LSAMP: variants seen among roughly 807,000 people sequenced by gnomAD.
LSAMP encodes limbic system-associated membrane protein.
LSAMP carries 7 observed loss-of-function variants against 38.6 expected under a neutral mutation model. The ratio of observed to expected loss-of-function variants is 0.18; its 90% CI spans 0.10 to 0.34. The LOEUF (loss-of-function observed/expected upper bound fraction) is 0.34. LSAMP is among the 10% of genes least tolerant of loss of function. LSAMP has a pLI of 1.00. For missense variants in LSAMP, 313 were observed against 420.0 expected (o/e 0.75, Z 2.23); for synonymous variants, 154 against 166.8 (o/e 0.92, Z 0.59).
chr3:116,153,986 A>T (rs1046313349), intron 1 of LSAMP, among the ~76,000 whole-genome samples: 1 of 152,102 alleles, frequency 6.6e-6, no homozygotes, highest in African/African-American at 2.4e-5. Flanking sequence ...AAAATTGACA[A>T]TCTCCCAAAA....
At chr3:116,039,656 G>T (rs183241559) in intron 2 of LSAMP, among the ~76,000 whole-genome samples, 5 of 152,294 alleles carry the variant, frequency 3.3e-5, no homozygotes, top group Admixed American at 2.6e-4. Flanking sequence ...ATGAGTGGGA[G>T]AGAAGGTGGG....
At chr3:116,426,152 C>T (rs554928087) in intron 1 of LSAMP, among the ~76,000 whole-genome samples, 13 of 152,272 alleles carry the variant, frequency 8.5e-5, no homozygotes, top group African/African-American at 2.9e-4. Flanking sequence ...ATTCACTGCT[C>T]ATCACCAGTA....
intron 2 of LSAMP, among the ~76,000 whole-genome samples, chr3:116,069,952 A>C (rs945196986): frequency 3.9e-5 from 6 of 152,156 alleles, no homozygotes; most frequent in Non-Finnish European, 8.8e-5. Context: ...AAAGGGAAGG[A>C]GAAGCAAGGA....
At chr3:116,099,922 C>A (rs1236050086) in intron 1 of LSAMP, among the ~76,000 whole-genome samples, 1 of 151,968 alleles carries the variant, frequency 6.6e-6, no homozygotes, top group Non-Finnish European at 1.5e-5. Context: ...CTCAGCTGCT[C>A]CATGTAGATA....
chr3:115,998,559 A>G (rs1177978672), intron 3 of LSAMP, among the ~76,000 whole-genome samples: 2 of 152,120 alleles, frequency 1.3e-5, no homozygotes, highest in Non-Finnish European at 2.9e-5. Context: ...TCCTTGACCC[A>G]GAAGTGCTGT....
chr3:116,368,856 A>T (rs2048392884), intron 1 of LSAMP, among the ~76,000 whole-genome samples: 1 of 152,198 alleles, frequency 6.6e-6, no homozygotes, highest in Non-Finnish European at 1.5e-5. Flanking sequence ...CTTTTAGAAA[A>T]CAAGCAGCAT....
At chr3:116,421,174 A>G (rs546245271) in intron 1 of LSAMP, among the ~76,000 whole-genome samples, 2 of 152,342 alleles carry the variant, frequency 1.3e-5, no homozygotes, top group East Asian at 1.9e-4. Flanking sequence ...AGAAACCTTG[A>G]TAAATTGAAC....
chr3:116,063,428 T>G (rs569509514), intron 2 of LSAMP, among the ~76,000 whole-genome samples: 1 of 152,202 alleles, frequency 6.6e-6, no homozygotes, highest in Non-Finnish European at 1.5e-5. Flanking sequence ...ATTTATATTA[T>G]GATTCCAAGA....
intron 1 of LSAMP, among the ~76,000 whole-genome samples, chr3:116,298,975 G>A (rs757845063): frequency 6.6e-6 from 1 of 152,172 alleles, no homozygotes. Context: ...TGTGGGGAGT[G>A]GGAAAGAGAA....
intron 1 of LSAMP, among the ~76,000 whole-genome samples, chr3:116,366,013 T>TAATA (rs1553727853): frequency 1.4e-3 from 41 of 28,690 alleles, no homozygotes; most frequent in African/African-American, 5.0e-3. Flanking sequence ...TAGAGTATAA[T>TAATA]AAAAAAAAAA....
intron 4 of LSAMP, among the ~76,000 whole-genome samples, chr3:115,850,086 T>C (rs917134678): frequency 7.9e-5 from 12 of 152,220 alleles, no homozygotes; most frequent in African/African-American, 2.9e-4. Context: ...TTTTAGAATC[T>C]CAAATTTCTG....
intron 3 of LSAMP, among the ~76,000 whole-genome samples, chr3:115,973,471 G>A (rs937514755): frequency 2.6e-5 from 4 of 152,104 alleles, no homozygotes; most frequent in African/African-American, 4.8e-5. Context: ...GGTGGCTCAC[G>A]CCTATAATCC....
chr3:116,332,707 C>A (rs186465945), intron 1 of LSAMP, among the ~76,000 whole-genome samples: 36 of 152,034 alleles, frequency 2.4e-4, no homozygotes, highest in Admixed American at 1.8e-3. Context: ...TAGTAGAATG[C>A]ATAAAAATAC....
At chr3:116,399,913 G>A (rs2048816562) in intron 1 of LSAMP, among the ~76,000 whole-genome samples, 1 of 152,188 alleles carries the variant, frequency 6.6e-6, no homozygotes, top group Non-Finnish European at 1.5e-5. Context: ...AGTGCTGGGT[G>A]TGTGTGTTTC....
intron 1 of LSAMP, among the ~76,000 whole-genome samples, chr3:116,297,959 C>G (rs1444020326): frequency 1.3e-5 from 2 of 152,178 alleles, no homozygotes; most frequent in Admixed American, 6.5e-5. Context: ...TGTAGTCATA[C>G]CAGCTTTCCT....
At chr3:115,823,307 AC>A (rs1166915549) in intron 6 of LSAMP, among the ~76,000 whole-genome samples, 1 of 152,206 alleles carries the variant, frequency 6.6e-6, no homozygotes, top group Non-Finnish European at 1.5e-5. Flanking sequence ...TGTGGAGAGC[AC>A]CCTGGCCCAG....
intron 2 of LSAMP, among the ~76,000 whole-genome samples, chr3:116,053,785 G>C (rs558621237): frequency 3.9e-5 from 6 of 152,164 alleles, no homozygotes; most frequent in Non-Finnish European, 8.8e-5. Flanking sequence ...GTCTTTTTGC[G>C]TGGGAGAGTA....
At chr3:116,436,921 C>T (rs2049358742) in intron 1 of LSAMP, among the ~76,000 whole-genome samples, 1 of 151,560 alleles carries the variant, frequency 6.6e-6, no homozygotes, top group Admixed American at 6.6e-5. Flanking sequence ...TTCACAACTG[C>T]AAAATTGTGA....
intron 1 of LSAMP, among the ~76,000 whole-genome samples, chr3:116,414,530 A>G (rs972971658): frequency 1.3e-5 from 2 of 152,146 alleles, no homozygotes; most frequent in Non-Finnish European, 2.9e-5. Flanking sequence ...TGAAGCAGAC[A>G]GAGCAATCGT....
Sources: gnomAD v4.1 joint callset for allele counts (sites outside exome capture counted in the v4.1 genomes callset) on GRCh38, gnomAD v4.1.1 for gene constraint, MANE v1.5 for transcripts, NCBI Gene and HGNC (gene_info 2026-07-23, HGNC 2026-07-21) for gene names.